Variants in LTBP1 observed in about 807,000 individuals in gnomAD.
LTBP1 encodes latent transforming growth factor beta binding protein 1.
LTBP1 carries 129 observed loss-of-function variants against 207.6 expected under a neutral mutation model. That is an observed-to-expected ratio of 0.62 (90% CI 0.54 to 0.72). LTBP1 has a LOEUF of 0.72. Among genes scored for constraint, LTBP1 ranks in the 30% least tolerant of loss-of-function variants. The pLI is 0.00. For synonymous variants in LTBP1, 963 were observed against 833.7 expected, an observed-to-expected ratio of 1.16 and a Z score of -2.67; for missense variants, 2,281 against 2,217.2, an observed-to-expected ratio of 1.03 and a Z score of -0.58.
rs569197718 is a variant in LTBP1 at position 33,177,173 on chromosome 2, A to C, written c.1202-9683A>C. 5.3e-5 allele frequency among the ~76,000 whole-genome samples: 8 copies of C among 152,302 alleles called. No individual in the cohort carries two copies. The South Asian group carries it at 1.2e-3, about 24-fold the overall frequency. On this transcript the variant is annotated intron_variant, in intron 5 of 33. Transcript: ENST00000404816. ...TATGCTCTGTATTCTCCCCATGGTG[A>C]GACAGTTACATTAGTGTAATCGACT...
intron 19 of LTBP1, among the ~76,000 whole-genome samples, chr2:33,286,528 T>C (rs1183189073): frequency 1.3e-5 from 2 of 152,248 alleles, no homozygotes; most frequent in Non-Finnish European, 2.9e-5. Context: ...GTACAGCATG[T>C]ACCTTTTTCA....
intron 11 of LTBP1, among the ~76,000 whole-genome samples, chr2:33,253,567 T>C (rs978520992): frequency 6.6e-6 from 1 of 152,194 alleles, no homozygotes; most frequent in Non-Finnish European, 1.5e-5. Flanking sequence ...AAGGAATGGC[T>C]TCAATGTCAC....
intron 2 of LTBP1, among the ~76,000 whole-genome samples, chr2:32,978,174 G>A (rs1682121767): frequency 6.6e-6 from 1 of 152,062 alleles, no homozygotes; most frequent in South Asian, 2.1e-4. Flanking sequence ...AGGATAATTT[G>A]ACTTCTTCCT....
At chr2:33,044,893 G>A (rs1391962288) in intron 3 of LTBP1, among the ~76,000 whole-genome samples, 1 of 152,012 alleles carries the variant, frequency 6.6e-6, no homozygotes, top group East Asian at 1.9e-4. Context: ...ATGTGTGTTG[G>A]CCGCATGAAT....
chr2:33,347,539 A>C (rs1035091337), intron 26 of LTBP1, 29 bp downstream of exon 26: 8 of 1,612,804 alleles, frequency 5.0e-6, no homozygotes, highest in Non-Finnish European at 6.8e-6. Flanking sequence ...GTGCAAGGGA[A>C]TGACAGGCTC....
Position 33,187,015 on chromosome 2 carries a change from G to A in LTBP1, c.1361G>A (p.Gly454Glu). ...QHSQQPGKAL[G>E]THVIHSTHTL... Reference sequence around the variant, plus strand: ...TCCCAGCAGCCAGGCAAGGCGTTGGGGACGCATGTCATCCATTCAACACAT... The same window carrying A: ...TCCCAGCAGCCAGGCAAGGCGTTGGAGACGCATGTCATCCATTCAACACAT... Residue 454 changes from glycine (G) to glutamate (E), a missense_variant, in exon 6 of 34, where the codon GGG becomes GAG. This residue lies in a region of LTBP1 where 1,671 missense variants were observed against 1,634.8 expected (regional missense o/e 1.02). Coordinates refer to ENST00000404816, the MANE Select transcript of LTBP1 (RefSeq NM_206943.4). 6.2e-7 allele frequency: 1 copy of A among 1,614,120 alleles called. No individual in the cohort carries two copies. The highest frequency in any genetic ancestry group is 8.5e-7 in the Non-Finnish European group (1 of 1,180,018).
At chr2:33,371,936 T>C (rs1009013908) in intron 31 of LTBP1, among the ~76,000 whole-genome samples, 1 of 152,222 alleles carries the variant, frequency 6.6e-6, no homozygotes. Flanking sequence ...ACCATCCCTT[T>C]GTCCATGGTG....
intron 31 of LTBP1, among the ~76,000 whole-genome samples, chr2:33,375,793 C>T (rs1574071364): frequency 6.6e-6 from 1 of 151,064 alleles, no homozygotes. Context: ...CTGCCCGCCT[C>T]GGCCTCCCAA....
chr2:33,252,879 C>T, intron 11 of LTBP1, 35 bp downstream of exon 11: 1 of 1,543,618 alleles, frequency 6.5e-7, no homozygotes, highest in East Asian at 2.3e-5. Context: ...CACATAGATT[C>T]CCAGCCACAT....
In LTBP1 at chr2:33,361,525, A is replaced by T. The variant is rs754550669; in HGVS notation, c.4270+10A>T. 7 of 1,598,946 alleles carry T rather than the reference A, an allele frequency of 4.4e-6. No individual in the cohort carries two copies. The highest frequency in any genetic ancestry group is 6.0e-6 in the Non-Finnish European group (7 of 1,167,780). On this transcript the variant is annotated intron_variant, in intron 28 of 33. Transcript: ENST00000404816. ...GGTGAGAACTATAAAGGTCAGAATCAAGTGGAAACAAATTTTCAGCACATT... is the reference window on the plus strand; with the variant it reads ...GGTGAGAACTATAAAGGTCAGAATCTAGTGGAAACAAATTTTCAGCACATT...
chr2:32,982,649 C>T (rs1169458937), intron 2 of LTBP1, among the ~76,000 whole-genome samples: 1 of 152,160 alleles, frequency 6.6e-6, no homozygotes, highest in East Asian at 1.9e-4. Flanking sequence ...AGGCTAAGGA[C>T]TTGGTGCCTT....
chr2:33,020,812 A>G (rs1444422576), intron 2 of LTBP1, 97 bp from the exon 3 acceptor site: 47 of 1,223,044 alleles, frequency 3.8e-5, no homozygotes, highest in Non-Finnish European at 2.5e-5. Context: ...TTTTTATTGG[A>G]GAACAAACAA....
intron 5 of LTBP1, among the ~76,000 whole-genome samples, chr2:33,167,385 A>G (rs2085014899): frequency 6.6e-6 from 1 of 151,968 alleles, no homozygotes; most frequent in Non-Finnish European, 1.5e-5. Context: ...AACCAAACAT[A>G]TATTAGGTAC....
At chr2:33,167,468 C>G (rs897192514) in intron 5 of LTBP1, among the ~76,000 whole-genome samples, 7 of 152,104 alleles carry the variant, frequency 4.6e-5, no homozygotes, top group Non-Finnish European at 7.3e-5. Context: ...AAAACTGTTT[C>G]TTTCTTTCTG....
chr2:33,207,000 G>T (rs931198363), intron 7 of LTBP1, among the ~76,000 whole-genome samples: 1 of 152,126 alleles, frequency 6.6e-6, no homozygotes, highest in Non-Finnish European at 1.5e-5. Context: ...TATGATGTCA[G>T]AATATAATCA....
chr2:33,042,315 GC>G (rs906699326), intron 3 of LTBP1, among the ~76,000 whole-genome samples: 4 of 152,300 alleles, frequency 2.6e-5, no homozygotes. Context: ...CAAACAACAT[GC>G]TCTAGGAGTG....
At chr2:33,107,822 C>A (rs2080155012) in intron 3 of LTBP1, among the ~76,000 whole-genome samples, 1 of 151,806 alleles carries the variant, frequency 6.6e-6, no homozygotes, top group African/African-American at 2.4e-5. Context: ...ATCTAATTTT[C>A]TCTTCAAAAG....
intron 31 of LTBP1, among the ~76,000 whole-genome samples, chr2:33,388,983 C>T (rs575361969): frequency 6.6e-6 from 1 of 152,292 alleles, no homozygotes; most frequent in South Asian, 2.1e-4. Context: ...CTTAATTATG[C>T]TGTACAGCAG....
intron 9 of LTBP1, among the ~76,000 whole-genome samples, chr2:33,234,217 C>G (rs2091929465): frequency 6.6e-6 from 1 of 152,152 alleles, no homozygotes; most frequent in Non-Finnish European, 1.5e-5. Flanking sequence ...TCTGACTTCT[C>G]TGCTTAGACC....
Sources: gnomAD v4.1 joint callset for allele counts (sites outside exome capture counted in the v4.1 genomes callset) on GRCh38, gnomAD v4.1.1 for gene constraint, gnomAD v4.1.1 regional missense constraint, MANE v1.5 for transcripts, NCBI Gene and HGNC (gene_info 2026-07-23, HGNC 2026-07-21) for gene names.